MUC13: variants seen among roughly 807,000 people sequenced by gnomAD.
The protein encoded by MUC13 is mucin-13.
MUC13 carries 32 observed loss-of-function variants against 48.3 expected under a neutral mutation model. That is an observed-to-expected ratio of 0.66 (90% CI 0.50 to 0.89). The LOEUF is 0.89. Among genes scored for constraint, MUC13 ranks in the 40% least tolerant of loss-of-function variants. The pLI is 0.00. For synonymous variants in MUC13, 199 were observed against 224.9 expected (o/e 0.88, Z 1.03); for missense variants, 571 against 622.8 (o/e 0.92, Z 0.88).
intron 1 of MUC13, among the ~76,000 whole-genome samples, chr3:124,934,450 G>A (rs752205914): frequency 1.3e-5 from 2 of 152,124 alleles, no homozygotes; most frequent in Admixed American, 6.6e-5. Context: ...GTGAGCCACC[G>A]CGCCCAGCCC....
rs771736195 is a variant in MUC13, at chr3:124,927,583, CT to C, written c.462del (p.Pro156LeufsTer13). On this transcript the variant is annotated frameshift_variant, in exon 2 of 12. Transcript: ENST00000616727. LOFTEE classifies it high-confidence loss of function. The part of the protein sequence containing the change: ...MSPTTEDNQS[S>X]GPPTGTALLE... ...AATAAAGCGGTGCCAGTGGGAGGCCCTGATGATTGATTGTCTTCTGTGGTGG... is the reference window on the plus strand; with the variant it reads ...AATAAAGCGGTGCCAGTGGGAGGCCCGATGATTGATTGTCTTCTGTGGTGG... 6.2e-7 allele frequency: 1 copy of C among 1,614,066 alleles called. No individual in the cohort carries two copies. Among genetic ancestry groups the C allele is most frequent in the Non-Finnish European group, 8.5e-7 (1 of 1,180,048 alleles).
At chr3:124,930,907 G>A (rs1419146767) in intron 1 of MUC13, among the ~76,000 whole-genome samples, 1 of 152,176 alleles carries the variant, frequency 6.6e-6, no homozygotes, top group Admixed American at 6.5e-5. Flanking sequence ...GCCTGTTAAA[G>A]GCTCTTCAAA....
rs779006414 is a variant in MUC13, at chr3:124,913,705, A to G, written c.965-24T>C. 122 of 1,613,844 alleles carry G rather than the reference A, an allele frequency of 7.6e-5. No individual in the cohort carries two copies. In the East Asian group the frequency reaches 2.7e-3, roughly 35 times the overall value. The stretch of plus-strand genomic sequence containing the variant: ...CACTGAGAAGCACAAATAGTTTAAA[A>G]ATATATTCAGCATGACAATATGGAT... On this transcript the variant is annotated intron_variant, in intron 6 of 11. Coordinates refer to ENST00000616727, the MANE Select transcript of MUC13 (RefSeq NM_033049.4).
At chr3:124,929,601 A>G (rs557229438) in intron 1 of MUC13, among the ~76,000 whole-genome samples, 42 of 152,186 alleles carry the variant, frequency 2.8e-4, no homozygotes, top group Non-Finnish European at 3.7e-4. Flanking sequence ...TGCTCTTCCT[A>G]GGTAAGAAAT....
chr3:124,916,582 C>T (rs1006662322), intron 5 of MUC13, 102 bp from the exon 6 acceptor site: 23 of 1,266,866 alleles, frequency 1.8e-5, no homozygotes, highest in South Asian at 1.3e-4. Context: ...AGTCCTGACC[C>T]GCTGTCCTGT....
intron 1 of MUC13, among the ~76,000 whole-genome samples, chr3:124,932,627 G>A (rs1935817133): frequency 6.6e-6 from 1 of 151,994 alleles, no homozygotes; most frequent in Non-Finnish European, 1.5e-5. Flanking sequence ...TGACAAAAAG[G>A]GAAATCATTT....
At chr3:124,917,943 G>A (rs1257987713) in intron 5 of MUC13, among the ~76,000 whole-genome samples, 1 of 152,118 alleles carries the variant, frequency 6.6e-6, no homozygotes, top group Admixed American at 6.6e-5. Context: ...ATTCAGGAGA[G>A]GCAAGACGTT....
Position 124,916,448 on chromosome 3 carries a change from G to T in MUC13, c.833C>A (p.Ala278Asp). ...TSLSPRSEMR[A>D]DDKFVNVTIV... is the part of the protein sequence containing the mutation. ...TGTTACATTAACAAACTTGTCATCA[G>T]CACGCATTTCAGATCTTGGTGACAG... The change falls in exon 6 of 12, where the codon GCT becomes GAT. Residue 278 changes from alanine to aspartate, a missense_variant. Ala to Asp is a moderately radical substitution (Grantham distance 126). Transcript: ENST00000616727. 1 of 1,613,154 alleles carries T rather than the reference G, an allele frequency of 6.2e-7. No individual in the cohort carries two copies. Among genetic ancestry groups the T allele is most frequent in the Non-Finnish European group, 8.5e-7 (1 of 1,179,610 alleles).
intron 4 of MUC13, among the ~76,000 whole-genome samples, chr3:124,921,873 G>C (rs1404014069): frequency 3.3e-5 from 5 of 152,164 alleles, no homozygotes; most frequent in African/African-American, 9.7e-5. Context: ...TGTGTTAATA[G>C]CTTATAAAAC....
chr3:124,912,347 T>C lies in MUC13; in HGVS notation c.1215-206A>G, dbSNP rs1935434440. 1.2e-5 allele frequency: 8 copies of C among 670,364 alleles called. No individual in the cohort carries two copies. The East Asian group carries it at 1.7e-4, about 14-fold the overall frequency. The allele number at this position is 670,364 out of a possible 1,614,324, so 41.5% of individuals were successfully genotyped here. A position where few individuals can be genotyped will look rare whatever the true frequency, so the allele number is the denominator to read the frequency against. ...TGGGGTTCTGGAAGGGTGAGGGGGG[T>C]ACGCAATCTCATGCAGGCTCATTTG... On this transcript the variant is annotated intron_variant, in intron 8 of 11. Transcript: ENST00000616727.
chr3:124,916,614 A>C, intron 5 of MUC13, 134 bp from the exon 6 acceptor site: 5 of 885,250 alleles, frequency 5.6e-6, no homozygotes, highest in Non-Finnish European at 8.7e-6. Context: ...GGACCCACAT[A>C]TGGAGGCCGG....
intron 2 of MUC13, among the ~76,000 whole-genome samples, chr3:124,923,863 A>G (rs1281066688): frequency 6.6e-6 from 1 of 152,162 alleles, no homozygotes. Context: ...CAAGTATAAT[A>G]CTTGTCAATA....
At chr3:124,917,888 C>A (rs1935534556) in intron 5 of MUC13, among the ~76,000 whole-genome samples, 1 of 152,034 alleles carries the variant, frequency 6.6e-6, no homozygotes, top group Non-Finnish European at 1.5e-5. Flanking sequence ...AAGCAAATGC[C>A]ATCCATAATT....
At chr3:124,917,507 C>T (rs980820250) in intron 5 of MUC13, among the ~76,000 whole-genome samples, 6 of 152,042 alleles carry the variant, frequency 3.9e-5, no homozygotes, top group Non-Finnish European at 8.8e-5. Context: ...CCACCGTGCC[C>T]AGCTAAAATT....
In MUC13 at chr3:124,927,834, G is replaced by A. The variant is rs1935723359; in HGVS notation, c.212C>T (p.Pro71Leu). The A allele has an allele frequency of 6.2e-7, 1 of 1,613,850 alleles. No homozygotes were observed. Among genetic ancestry groups the A allele is most frequent in the African/African-American group, 1.3e-5 (1 of 74,804 alleles). Residue 71 changes from proline to leucine, a missense_variant, in exon 2 of 12, where the codon CCC becomes CTC. Physicochemically the swap from Pro to Leu is moderately conservative, Grantham distance 98. Transcript: ENST00000616727. ...GGAACTATGTGTACTAATTATGGGG[G>A]GAGCAGGTGAAGTAGCTGTTGGGAA... Reference protein sequence around the residue: ...PSFPTATSPAPPIISTHSSST... With the variant: ...PSFPTATSPALPIISTHSSST...
At chr3:124,933,123 C>A (rs759586919) in intron 1 of MUC13, among the ~76,000 whole-genome samples, 2 of 152,100 alleles carry the variant, frequency 1.3e-5, no homozygotes, top group Non-Finnish European at 2.9e-5. Context: ...GTGCAGCTAG[C>A]CTTCTCCAAC....
chr3:124,929,431 T>A (rs1935755225), intron 1 of MUC13, among the ~76,000 whole-genome samples: 1 of 152,202 alleles, frequency 6.6e-6, no homozygotes, highest in Non-Finnish European at 1.5e-5. Flanking sequence ...AAAGGTTTAG[T>A]GAGGAAGCAA....
chr3:124,910,442 A>T lies in MUC13; in HGVS notation c.1310T>A (p.Met437Lys). Reference sequence around the variant, plus strand: ...TGCTGTGACAATCAATGCAATTATCATGCTGAGAATGACAATGCCAGCGAT... The same window carrying T: ...TGCTGTGACAATCAATGCAATTATCTTGCTGAGAATGACAATGCCAGCGAT... ...GTIAGIVILSMIIALIVTARS... is the reference protein window; with the variant it reads ...GTIAGIVILSKIIALIVTARS... The change falls in exon 10 of 12, where the codon ATG becomes AAG. Residue 437 changes from methionine (M) to lysine (K), a missense_variant. By Grantham distance (95) the Met-to-Lys change is moderately conservative (BLOSUM62 -1). Coordinates refer to ENST00000616727, the MANE Select transcript of MUC13 (RefSeq NM_033049.4). 6.2e-7 allele frequency: 1 copy of T among 1,614,168 alleles called. No homozygotes were observed. Among genetic ancestry groups the T allele is most frequent in the Non-Finnish European group, 8.5e-7 (1 of 1,179,982 alleles).
intron 1 of MUC13, among the ~76,000 whole-genome samples, chr3:124,929,107 G>A (rs2107673886): frequency 6.6e-6 from 1 of 151,964 alleles, no homozygotes; most frequent in East Asian, 1.9e-4. Context: ...CAACTTTTAG[G>A]AACCCCTGGA....
Sources: allele counts gnomAD v4.1 joint callset (sites outside exome capture counted in the v4.1 genomes callset), GRCh38; gene constraint gnomAD v4.1.1; transcripts MANE v1.5; gene names NCBI Gene and HGNC (gene_info 2026-07-23, HGNC 2026-07-21).